Variants in SV2B observed in about 807,000 individuals in gnomAD.
SV2B encodes the protein solute carrier family 22 member B2.
In SV2B, 41 loss-of-function variants were observed where a neutral mutation model predicts 73.9. The observed-to-expected ratio is 0.56, with a 90% CI of 0.43 to 0.72. The LOEUF (loss-of-function observed/expected upper bound fraction) is 0.72. Among genes scored for constraint, SV2B ranks in the 30% least tolerant of loss-of-function variants. SV2B has a pLI of 0.00. For missense variants in SV2B, 764 were observed against 857.8 expected (o/e 0.89, Z 1.37); for synonymous variants, 314 against 314.2 (o/e 1.00, Z 0.01).
In SV2B at chr15:91,277,937, G is replaced by A. The variant is rs184395384; in HGVS notation, c.1374-3791G>A. Among the ~76,000 whole-genome samples, 351 of 152,232 alleles carry A rather than the reference G, an allele frequency of 2.3e-3. 1 individual carries two copies. The highest frequency in any genetic ancestry group is 6.5e-3 in the African/African-American group (268 of 41,538). ...TGTAAAGGAGACAGAGTGAAGTATCGTGATTTCACCACTCAGGTATCTTTG... is the reference window on the plus strand; with the variant it reads ...TGTAAAGGAGACAGAGTGAAGTATCATGATTTCACCACTCAGGTATCTTTG... On this transcript the variant is annotated intron_variant, in intron 9 of 12. Coordinates refer to ENST00000394232, the MANE Select transcript of SV2B (RefSeq NM_001323032.3).
At chr15:91,255,419 A>G (rs2047649874) in intron 4 of SV2B, among the ~76,000 whole-genome samples, 1 of 152,118 alleles carries the variant, frequency 6.6e-6, no homozygotes, top group South Asian at 2.1e-4. Flanking sequence ...GAGCTAAGCT[A>G]TGAGGATGCA....
chr15:91,189,975 G>C (rs748572119), intron 1 of SV2B, among the ~76,000 whole-genome samples: 1 of 151,602 alleles, frequency 6.6e-6, no homozygotes, highest in Non-Finnish European at 1.5e-5. Flanking sequence ...GCGACAGAGC[G>C]AGACGCCATC....
chr15:91,154,481 T>C (rs2040579), intron 1 of SV2B, among the ~76,000 whole-genome samples: 111,093 of 152,142 alleles, frequency 0.73, 41,147 homozygotes, highest in African/African-American at 0.84. Context: ...GGCAGAAGCC[T>C]GGACCCCACT....
intron 4 of SV2B, among the ~76,000 whole-genome samples, chr15:91,257,645 T>C (rs1450139002): frequency 6.6e-6 from 1 of 152,200 alleles, no homozygotes; most frequent in Admixed American, 6.5e-5. Context: ...CCCTTTGCGC[T>C]GGAATCACCT....
intron 1 of SV2B, among the ~76,000 whole-genome samples, chr15:91,120,818 A>G: frequency 6.6e-6 from 1 of 151,024 alleles, no homozygotes. Flanking sequence ...TCTCAAAAAA[A>G]AAAAAAAAGA....
At chr15:91,134,218 G>C (rs773959189) in intron 1 of SV2B, among the ~76,000 whole-genome samples, 1 of 151,840 alleles carries the variant, frequency 6.6e-6, no homozygotes, top group Admixed American at 6.6e-5. Context: ...GGCTAGTCTC[G>C]AACTCCTGAC....
intron 2 of SV2B, among the ~76,000 whole-genome samples, chr15:91,233,850 C>A (rs1033489896): frequency 2.6e-5 from 4 of 152,182 alleles, no homozygotes; most frequent in Non-Finnish European, 5.9e-5. Flanking sequence ...CCCATCAGGC[C>A]TCTAAAGGTG....
At chr15:91,264,257 C>T (rs2048026488) in intron 6 of SV2B, among the ~76,000 whole-genome samples, 1 of 152,392 alleles carries the variant, frequency 6.6e-6, no homozygotes, top group East Asian at 1.9e-4. Flanking sequence ...AGTGATCCCA[C>T]ATTCTCTCCT....
Position 91,220,763 on chromosome 15 carries a change from A to G in SV2B, c.-391-5110A>G, listed in dbSNP as rs1249414226. On this transcript the variant is annotated intron_variant, in intron 1 of 12. Coordinates refer to ENST00000394232, the MANE Select transcript of SV2B (RefSeq NM_001323032.3). This position sits in a 1 kb window ranked among gnomAD's most constrained non-coding sequence, Gnocchi z 4.1. ...CCAGCCCTGATGGGCCCCAAATCTC[A>G]TGGGGCATGAGGCTAGGCTCAAGCT... Among the ~76,000 whole-genome samples, 1 of 152,194 alleles carries G rather than the reference A, an allele frequency of 6.6e-6. No individual in the cohort carries two copies.
rs1190421618 is a variant in SV2B at position 91,301,147 on chromosome 15, AG to A, written c.*8598del. ...AAAGGAGGGTGCAGGTGATAGGCAA[AG>A]GGACCCATTAGCCAGTTTACAATGA... On this transcript the variant is annotated 3_prime_UTR_variant, in exon 13 of 13. Transcript: ENST00000394232. The surrounding 1 kb of genome is among the most constrained non-coding windows in gnomAD (Gnocchi z 4.3). The A allele has an allele frequency of 6.6e-6, 1 of 152,306 alleles. No homozygotes were observed. The highest frequency in any genetic ancestry group is 1.5e-5 in the Non-Finnish European group (1 of 68,112). The allele number at this position is 152,306 out of a possible 1,614,324, so 9.4% of individuals were successfully genotyped here. A position where few individuals can be genotyped will look rare whatever the true frequency, so the allele number is the denominator to read the frequency against.
chr15:91,178,876 T>C (rs1229479635), intron 1 of SV2B, among the ~76,000 whole-genome samples: 1 of 147,596 alleles, frequency 6.8e-6, no homozygotes, highest in Non-Finnish European at 1.5e-5. Context: ...GAAGGGTTTT[T>C]TGTGTCTCTA....
At chr15:91,178,803 C>T (rs549931446) in intron 1 of SV2B, among the ~76,000 whole-genome samples, 1 of 146,488 alleles carries the variant, frequency 6.8e-6, no homozygotes, top group South Asian at 2.3e-4. Flanking sequence ...ATTAGTCTTG[C>T]TAGCAGTCTA....
intron 1 of SV2B, among the ~76,000 whole-genome samples, chr15:91,199,278 G>A (rs2141378608): frequency 6.6e-6 from 1 of 152,300 alleles, no homozygotes; most frequent in African/African-American, 2.4e-5. Flanking sequence ...TCACTCTCTG[G>A]GGGAAGGATG....
chr15:91,233,034 T>G (rs950185021), intron 2 of SV2B, among the ~76,000 whole-genome samples: 21 of 152,244 alleles, frequency 1.4e-4, no homozygotes, highest in African/African-American at 5.1e-4. Flanking sequence ...AAAGAACATA[T>G]GATTTTGTTC....
chr15:91,150,939 C>T (rs1039347860), intron 1 of SV2B, among the ~76,000 whole-genome samples: 10 of 152,312 alleles, frequency 6.6e-5, no homozygotes, highest in Middle Eastern at 3.4e-3. Context: ...GACTTTCCTC[C>T]CCTTGCCTAG....
chr15:91,197,613 GGA>G lies in SV2B; in HGVS notation c.-391-28256_-391-28255del, dbSNP rs1297495855. Among the ~76,000 whole-genome samples the G allele has an allele frequency of 2.0e-5, 3 of 152,150 alleles. No individual in the cohort carries two copies. The East Asian group carries it at 5.8e-4, about 29-fold the overall frequency. On this transcript the variant is annotated intron_variant, in intron 1 of 12. Transcript: ENST00000394232. This position sits in a 1 kb window ranked among gnomAD's most constrained non-coding sequence, Gnocchi z 4.9. ...TGTAAAGACAAGAATGGATAAGTAA[GGA>G]GAGTTATCCCTAGGAATACTATATA... is the stretch of plus-strand genomic sequence containing the variant.
At chr15:91,125,336 T>G (rs750812369) in intron 1 of SV2B, among the ~76,000 whole-genome samples, 3 of 152,192 alleles carry the variant, frequency 2.0e-5, no homozygotes, top group Non-Finnish European at 4.4e-5. Context: ...GAGTTTCTGT[T>G]CTGTGCCGGG....
In SV2B at chr15:91,281,670, G is replaced by T; in HGVS notation, c.1374-58G>T. On this transcript the variant is annotated intron_variant, in intron 9 of 12. Transcript: ENST00000394232. This position sits in a 1 kb window ranked among gnomAD's most constrained non-coding sequence, Gnocchi z 4.7. ...TCTGCCTTGCTGTGTTTTCCATTTT[G>T]GTCTTAAGTCTCTTTTTTTCTCAGA... 2 of 1,507,834 alleles carry T rather than the reference G, an allele frequency of 1.3e-6. No homozygotes were observed. Among genetic ancestry groups the T allele is most frequent in the Non-Finnish European group, 1.8e-6 (2 of 1,120,378 alleles). The allele number at this position is 1,507,834 out of a possible 1,614,324, so 93.4% of individuals were successfully genotyped here. A position where few individuals can be genotyped will look rare whatever the true frequency, so the allele number is the denominator to read the frequency against.
In SV2B at chr15:91,229,452, G is replaced by A. The variant is rs924452597; in HGVS notation, c.451+2738G>A. ...CTTTATATTCTGCCATTCTCCCATCGGGCATTTGCAGTGAACTATAGCTGC... is the reference window on the plus strand; with the variant it reads ...CTTTATATTCTGCCATTCTCCCATCAGGCATTTGCAGTGAACTATAGCTGC... On this transcript the variant is annotated intron_variant, in intron 2 of 12. Coordinates refer to ENST00000394232, the MANE Select transcript of SV2B (RefSeq NM_001323032.3). This position sits in a 1 kb window ranked among gnomAD's most constrained non-coding sequence, Gnocchi z 4.3. Among the ~76,000 whole-genome samples, 1 of 152,092 alleles carries A rather than the reference G, an allele frequency of 6.6e-6. No individual in the cohort carries two copies. The highest frequency in any genetic ancestry group is 2.4e-5 in the African/African-American group (1 of 41,420).
Sources: gnomAD v4.1 joint callset for allele counts (sites outside exome capture counted in the v4.1 genomes callset) on GRCh38, gnomAD v4.1.1 for gene constraint, Gnocchi (gnomAD v3.1) non-coding constraint, MANE v1.5 for transcripts, NCBI Gene and HGNC (gene_info 2026-07-23, HGNC 2026-07-21) for gene names.